The following DAGLB variants were observed in gnomAD, a reference collection of about 807,000 sequenced individuals.
The protein encoded by DAGLB is diacylglycerol lipase beta, also known as diacylglycerol lipase-beta.
A neutral mutation model predicts 72.1 loss-of-function variants in DAGLB; 66 were observed. That is an observed-to-expected ratio of 0.92 (90% CI 0.75 to 1.12). The LOEUF (loss-of-function observed/expected upper bound fraction) is 1.12. Ranked by LOEUF, DAGLB falls within the 50% of genes most tolerant of loss-of-function variation. The pLI is 0.00. For synonymous variants in DAGLB, 414 were observed against 359.5 expected (o/e 1.15, Z -1.71); for missense variants, 1,065 against 884.9 (o/e 1.20, Z -2.58).
intron 13 of DAGLB, among the ~76,000 whole-genome samples, chr7:6,410,723 C>G (rs949340729): frequency 1.3e-5 from 2 of 152,092 alleles, no homozygotes; most frequent in African/African-American, 4.8e-5. Flanking sequence ...CCCTTCCTTC[C>G]CTGAAAGGCA....
chr7:6,443,797 A>G (rs1227713125), intron 2 of DAGLB, among the ~76,000 whole-genome samples: 3 of 152,122 alleles, frequency 2.0e-5, no homozygotes, highest in South Asian at 2.1e-4. Flanking sequence ...GGCATGTCAC[A>G]CAGCCCTGCC....
At chr7:6,424,663 G>A (rs1015448644) in intron 8 of DAGLB, 89 bp downstream of exon 8, 64 of 1,235,496 alleles carry the variant, frequency 5.2e-5, no homozygotes, top group Middle Eastern at 4.2e-4. Context: ...TGTCTCATGC[G>A]GTTACTGACG....
rs1321341311 is a variant in DAGLB, at chr7:6,447,850, G to A, written c.-8C>T. The A allele has an allele frequency of 6.2e-7, 1 of 1,608,038 alleles. No individual in the cohort carries two copies. The highest frequency in any genetic ancestry group is 1.3e-5 in the African/African-American group (1 of 74,818). On this transcript the variant is annotated 5_prime_UTR_variant, in exon 1 of 15. Transcript: ENST00000297056. ...GAGTACCATCCCCGGCATGGCGAAG[G>A]TCCCGTAGCTCGCACTCAGGAGAGA...
At chr7:6,432,728 G>T (rs1784527778) in intron 5 of DAGLB, 109 bp downstream of exon 5, 14 of 1,362,528 alleles carry the variant, frequency 1.0e-5, no homozygotes, top group East Asian at 2.8e-5. Context: ...GAGGGGAAAG[G>T]GGAATGAAGG....
intron 13 of DAGLB, 97 bp from the exon 14 acceptor site, chr7:6,410,477 C>T: frequency 6.7e-7 from 1 of 1,495,892 alleles, no homozygotes; most frequent in Admixed American, 2.2e-5. Context: ...GGAATCTGCC[C>T]TTTGACCCAG....
intron 9 of DAGLB, chr7:6,417,731 T>A (rs1783967061): frequency 1.3e-5 from 2 of 152,076 alleles, no homozygotes; most frequent in Admixed American, 6.6e-5. Flanking sequence ...AACTACAGAA[T>A]CCACGAAGTT....
Position 6,409,592 on chromosome 7 carries a change from C to G in DAGLB, c.*245G>C, listed in dbSNP as rs1221119531. The G allele has an allele frequency of 1.8e-6, 1 of 557,302 alleles. No homozygotes were observed. The highest frequency in any genetic ancestry group is 3.2e-6 in the Non-Finnish European group (1 of 313,118). 34.5% of individuals were successfully genotyped at this position (557,302 alleles called of 1,614,324 possible). A position where few individuals can be genotyped will look rare whatever the true frequency, so the allele number is the denominator to read the frequency against. On this transcript the variant is annotated 3_prime_UTR_variant, in exon 15 of 15. Transcript: ENST00000297056. ...ACGGGCCAGGGCTTCCCGAGGCTGT[C>G]TCCACGGTCGCTGGGTCTCAGGAGT...
intron 2 of DAGLB, among the ~76,000 whole-genome samples, chr7:6,438,089 A>C (rs961048420): frequency 1.2e-4 from 18 of 152,192 alleles, no homozygotes; most frequent in African/African-American, 2.7e-4. Context: ...CATTCTGAGC[A>C]AACTATCGCA....
intron 11 of DAGLB, among the ~76,000 whole-genome samples, chr7:6,413,260 C>G (rs1783793826): frequency 6.6e-6 from 1 of 152,194 alleles, no homozygotes; most frequent in African/African-American, 2.4e-5. Flanking sequence ...GCTAAAACCG[C>G]AAACTGGACA....
rs1784301898 is a variant in DAGLB at position 6,426,056 on chromosome 7, A to C, written c.988T>G (p.Phe330Val). 6.2e-7 allele frequency: 1 copy of C among 1,614,092 alleles called. No homozygotes were observed. The highest frequency in any genetic ancestry group is 1.1e-5 in the South Asian group (1 of 91,078). The part of the protein sequence containing the change: ...LVGGDQLNCH[F>V]GSILHTTGLQ... The stretch of plus-strand genomic sequence containing the variant: ...CCTGTGGTGTGCAGGATGGAGCCGA[A>C]GTGACAGTTGAGCTGATCGCCTCCG... The change falls in exon 7 of 15, where the codon TTC becomes GTC. Residue 330 changes from phenylalanine (F) to valine (V), a missense_variant. By Grantham distance (50) the Phe-to-Val change is conservative (BLOSUM62 -1). Coordinates refer to ENST00000297056, the MANE Select transcript of DAGLB (RefSeq NM_139179.4).
chr7:6,424,879 A>G, intron 7 of DAGLB, 44 bp from the exon 8 acceptor site: 1 of 1,589,656 alleles, frequency 6.3e-7, no homozygotes, highest in Non-Finnish European at 8.6e-7. Context: ...CAGTGAACAC[A>G]CGCACCAGCA....
At chr7:6,414,167 C>T (rs539784650) in intron 11 of DAGLB, among the ~76,000 whole-genome samples, 13 of 151,956 alleles carry the variant, frequency 8.6e-5, no homozygotes, top group East Asian at 7.8e-4. Flanking sequence ...CCCACCACCA[C>T]GCCCAGCTAA....
chr7:6,410,434 G>GACCTCCCGAA, intron 13 of DAGLB, 54 bp from the exon 14 acceptor site: 1 of 1,544,758 alleles, frequency 6.5e-7, no homozygotes, highest in Non-Finnish European at 8.8e-7. Flanking sequence ...TGTCACCCGA[G>GACCTCCCGAA]ACCTCCCGAA....
chr7:6,412,374 A>G (rs1783757344), intron 13 of DAGLB, among the ~76,000 whole-genome samples: 1 of 152,220 alleles, frequency 6.6e-6, no homozygotes, highest in Non-Finnish European at 1.5e-5. Context: ...AACAAAGCCA[A>G]AAGGCATTAA....
At chr7:6,445,858 T>A (rs1003029299) in intron 2 of DAGLB, 95 bp downstream of exon 2, 2 of 1,349,676 alleles carry the variant, frequency 1.5e-6, no homozygotes, top group African/African-American at 3.0e-5. Context: ...ACTGTTGAAT[T>A]GGAAAGTTTA....
chr7:6,436,233 A>G, intron 3 of DAGLB, 129 bp downstream of exon 3: 1 of 1,214,112 alleles, frequency 8.2e-7, no homozygotes, highest in Non-Finnish European at 1.1e-6. Flanking sequence ...TGAGTTACGC[A>G]GAAACTAACT....
At chr7:6,425,252 C>T (rs11760562) in intron 7 of DAGLB, among the ~76,000 whole-genome samples, 25,392 of 152,174 alleles carry the variant, frequency 0.17, 2,520 homozygotes, top group East Asian at 0.23. Flanking sequence ...ACACTGAACA[C>T]GCAGCACTGC....
chr7:6,412,689 G>C (rs1783768109), intron 13 of DAGLB, 122 bp downstream of exon 13: 2 of 1,112,672 alleles, frequency 1.8e-6, no homozygotes, highest in Middle Eastern at 2.9e-4. Context: ...ATGGTGGAAG[G>C]AGAACTTCCA....
chr7:6,412,938 C>T lies in DAGLB; in HGVS notation c.1496+28G>A, dbSNP rs1583279010. 3 of 1,613,550 alleles carry T rather than the reference C, an allele frequency of 1.9e-6. No individual in the cohort carries two copies. In the Admixed American group the frequency reaches 5.0e-5, roughly 27 times the overall value. On this transcript the variant is annotated intron_variant, in intron 12 of 14. Coordinates refer to ENST00000297056, the MANE Select transcript of DAGLB (RefSeq NM_139179.4). ...GGACCTGGCACTCCCAACCCCCCAGCCCTGGGCACAGCACCAGGTGGGCTT... is the reference window on the plus strand; with the variant it reads ...GGACCTGGCACTCCCAACCCCCCAGTCCTGGGCACAGCACCAGGTGGGCTT...
Sources: allele counts gnomAD v4.1 joint callset (sites outside exome capture counted in the v4.1 genomes callset), GRCh38; gene constraint gnomAD v4.1.1; transcripts MANE v1.5; gene names NCBI Gene and HGNC (gene_info 2026-07-23, HGNC 2026-07-21).